The following NEK10 variants were observed in gnomAD, a reference collection of about 807,000 sequenced individuals.
The protein encoded by NEK10 is NIMA related kinase 10.
In NEK10, 122 loss-of-function variants were observed where a neutral mutation model predicts 159.8. The ratio of observed to expected loss-of-function variants is 0.76; its 90% CI spans 0.66 to 0.89. The LOEUF (loss-of-function observed/expected upper bound fraction) is 0.89, where lower values mean the gene tolerates loss of function less well. Ranked by LOEUF, NEK10 falls within the 40% of genes least tolerant of loss-of-function variation. The pLI is 0.00. For missense variants in NEK10, 1,342 were observed against 1,323.1 expected, an observed-to-expected ratio of 1.01 and a Z score of -0.22; for synonymous variants, 466 against 457.1, an observed-to-expected ratio of 1.02 and a Z score of -0.25.
At chr3:27,181,544 A>C (rs1948104387) in intron 26 of NEK10, among the ~76,000 whole-genome samples, 1 of 152,132 alleles carries the variant, frequency 6.6e-6, no homozygotes, top group African/African-American at 2.4e-5. Context: ...ATGCAGTTCA[A>C]ACCCACATTG....
At chr3:27,221,637 A>G (rs952861584) in intron 23 of NEK10, among the ~76,000 whole-genome samples, 1 of 152,248 alleles carries the variant, frequency 6.6e-6, no homozygotes, top group Non-Finnish European at 1.5e-5. Flanking sequence ...GCAGGACCCT[A>G]GACAGTTACA....
At chr3:27,124,387 T>C (rs920270755) in intron 32 of NEK10, among the ~76,000 whole-genome samples, 1 of 152,196 alleles carries the variant, frequency 6.6e-6, no homozygotes, top group African/African-American at 2.4e-5. Context: ...TGAATATTCT[T>C]ATTTAACAAT....
chr3:27,162,607 G>C (rs372449987), intron 30 of NEK10, 94 bp downstream of exon 30: 1,410 of 1,613,898 alleles, frequency 8.7e-4, no homozygotes, highest in Non-Finnish European at 1.1e-3. Flanking sequence ...CAAAGCTGAA[G>C]AAATAAAAGG....
chr3:27,285,427 C>T lies in NEK10; in HGVS notation c.1790-466G>A, dbSNP rs189989374. 4.4e-4 allele frequency among the ~76,000 whole-genome samples: 67 copies of T among 151,578 alleles called. 1 individual carries two copies. Among genetic ancestry groups the T allele is most frequent in the Admixed American group, 2.9e-3 (44 of 15,184 alleles). ...TTCATAGTCTGATAGATTTACCTTACAGAATTTTACACTGGAATAATGCCA... is the reference window on the plus strand; with the variant it reads ...TTCATAGTCTGATAGATTTACCTTATAGAATTTTACACTGGAATAATGCCA... On this transcript the variant is annotated intron_variant, in intron 20 of 35. Coordinates refer to ENST00000691995, the MANE Select transcript of NEK10 (RefSeq NM_001394966.1).
intron 23 of NEK10, among the ~76,000 whole-genome samples, chr3:27,235,673 T>C (rs1953831776): frequency 6.6e-6 from 1 of 152,092 alleles, no homozygotes; most frequent in South Asian, 2.1e-4. Flanking sequence ...GGAGTGTAAA[T>C]TAGTTCAACC....
chr3:27,107,591 A>G lies in NEK10; in HGVS notation c.*3681T>C, dbSNP rs13314770. On this transcript the variant is annotated 3_prime_UTR_variant, in exon 36 of 36. Coordinates refer to ENST00000691995, the MANE Select transcript of NEK10 (RefSeq NM_001394966.1). Reference sequence around the variant, plus strand: ...CATTTATTACATTTAGTTGTTGAACATGAAGAATTTTATATTTGGACAAAA... The same window carrying G: ...CATTTATTACATTTAGTTGTTGAACGTGAAGAATTTTATATTTGGACAAAA... Among the ~76,000 whole-genome samples, 5,217 of 152,308 alleles carry G rather than the reference A, an allele frequency of 0.034. 155 individuals carry two copies. The highest frequency in any genetic ancestry group is 0.079 in the African/African-American group (3,276 of 41,550).
chr3:27,124,226 T>C (rs1195808592), intron 32 of NEK10, among the ~76,000 whole-genome samples: 1 of 152,104 alleles, frequency 6.6e-6, no homozygotes, highest in Non-Finnish European at 1.5e-5. Flanking sequence ...TTTTTGAGTA[T>C]GCTAATAAAA....
At chr3:27,188,268 G>A (rs918098974) in intron 26 of NEK10, among the ~76,000 whole-genome samples, 2 of 151,990 alleles carry the variant, frequency 1.3e-5, no homozygotes, top group Admixed American at 6.6e-5. Flanking sequence ...CAAAATGTTC[G>A]GAATCATTAG....
chr3:27,326,870 A>G (rs561496556), intron 5 of NEK10, among the ~76,000 whole-genome samples: 1 of 152,324 alleles, frequency 6.6e-6, no homozygotes, highest in South Asian at 2.1e-4. Flanking sequence ...ACCCACTGCA[A>G]GGACGGAGCA....
chr3:27,243,030 T>C (rs1954719049), intron 23 of NEK10, among the ~76,000 whole-genome samples: 1 of 152,184 alleles, frequency 6.6e-6, no homozygotes, highest in Non-Finnish European at 1.5e-5. Flanking sequence ...TATTGTCTTG[T>C]TTTAAAATGT....
At chr3:27,131,776 T>G in intron 32 of NEK10, 104 bp downstream of exon 32, 2 of 501,528 alleles carry the variant, frequency 4.0e-6, no homozygotes, top group Non-Finnish European at 7.0e-6. Flanking sequence ...TAAGAAACTT[T>G]AATAGAGGAT....
chr3:27,206,258 G>GCCT (rs556019758), intron 23 of NEK10, among the ~76,000 whole-genome samples: 26 of 152,286 alleles, frequency 1.7e-4, no homozygotes, highest in Middle Eastern at 6.8e-3. Context: ...GTGACTAGTA[G>GCCT]AAGTACTAGT....
At chr3:27,333,473 G>A (rs1352418567) in intron 5 of NEK10, among the ~76,000 whole-genome samples, 1 of 151,448 alleles carries the variant, frequency 6.6e-6, no homozygotes, top group Non-Finnish European at 1.5e-5. Context: ...TCAAACCCAG[G>A]AGGCAGAAGT....
In NEK10 at chr3:27,191,558, C is replaced by A. The variant is rs143533678; in HGVS notation, c.2505+471G>T. Among the ~76,000 whole-genome samples the A allele has an allele frequency of 4.6e-5, 7 of 152,284 alleles. No homozygotes were observed. The East Asian group carries it at 1.2e-3, about 25-fold the overall frequency. On this transcript the variant is annotated intron_variant, in intron 26 of 35. Coordinates refer to ENST00000691995, the MANE Select transcript of NEK10 (RefSeq NM_001394966.1). ...AAGGTTCTTGGCAAGAAAAATAAGA[C>A]ATATTCTGATTTGAAGCATGGCAAC... is the stretch of plus-strand genomic sequence containing the variant.
intron 8 of NEK10, 87 bp downstream of exon 8, chr3:27,312,012 A>T (rs1319532920): frequency 1.2e-6 from 1 of 840,400 alleles, no homozygotes; most frequent in Non-Finnish European, 2.0e-6. Context: ...ATAAATATTT[A>T]AAGTATCCTT....
chr3:27,205,129 T>C (rs1224904795), intron 23 of NEK10, among the ~76,000 whole-genome samples: 1 of 152,180 alleles, frequency 6.6e-6, no homozygotes, highest in Non-Finnish European at 1.5e-5. Flanking sequence ...TGTCTGTTCA[T>C]GTCCTTCGCC....
rs146717030 is a variant in NEK10 at position 27,258,260 on chromosome 3, T to A, written c.2015-1889A>T. Among the ~76,000 whole-genome samples the A allele has an allele frequency of 8.7e-3, 1,325 of 152,280 alleles. 20 individuals carry two copies. The highest frequency in any genetic ancestry group is 0.029 in the African/African-American group (1,218 of 41,564). On this transcript the variant is annotated intron_variant, in intron 22 of 35. Transcript: ENST00000691995. ...TATACTTTAAATTTTAGGGTACATG[T>A]GCACAACGTGCAAGTTTGTTACATA...
Position 27,136,103 on chromosome 3 carries a change from A to ATTT in NEK10, c.2971-4116_2971-4114dup, listed in dbSNP as rs775843715. 2.8e-4 allele frequency among the ~76,000 whole-genome samples: 17 copies of ATTT among 60,678 alleles called. 2 individuals are homozygous for ATTT. The highest frequency in any genetic ancestry group is 1.1e-3 in the Admixed American group (5 of 4,692). The allele number at this position is 60,678 out of a possible 152,430, so 39.8% of individuals were successfully genotyped here. ...GGCTTGCCTGTTCTCTAGGAGATCG[A>ATTT]TTTTTTTTTTTTTTTTTTTTTTTTT... On this transcript the variant is annotated intron_variant, in intron 31 of 35. Transcript: ENST00000691995.
At chr3:27,207,098 C>A (rs920430252) in intron 23 of NEK10, among the ~76,000 whole-genome samples, 4 of 152,208 alleles carry the variant, frequency 2.6e-5, no homozygotes, top group Non-Finnish European at 4.4e-5. Flanking sequence ...TCCCAGGGAA[C>A]CTTTCTGATG....
Sources: allele counts gnomAD v4.1 joint callset (sites outside exome capture counted in the v4.1 genomes callset), GRCh38; gene constraint gnomAD v4.1.1; transcripts MANE v1.5; gene names NCBI Gene and HGNC (gene_info 2026-07-23, HGNC 2026-07-21).